Variants in TENM4 observed in about 807,000 individuals in gnomAD.
The protein encoded by TENM4 is teneurin-4.
A neutral mutation model predicts 243.3 loss-of-function variants in TENM4; 82 were observed. That is an observed-to-expected ratio of 0.34 (90% CI 0.28 to 0.40). The LOEUF (loss-of-function observed/expected upper bound fraction) is 0.40, where lower values mean the gene tolerates loss of function less well. TENM4 is among the 10% of genes least tolerant of loss of function. The pLI is 1.00. For missense variants in TENM4, 3,138 were observed against 3,673.3 expected (o/e 0.85, Z 3.77); for synonymous variants, 1,412 against 1,456.3 (o/e 0.97, Z 0.69).
chr11:79,250,355 T>A (rs1555035578), intron 2 of TENM4, among the ~76,000 whole-genome samples: 6 of 152,200 alleles, frequency 3.9e-5, no homozygotes, highest in Non-Finnish European at 1.5e-5. Flanking sequence ...AATCCACATA[T>A]AAGGCAAAGC....
At chr11:78,664,638 G>C (rs1858107512) in intron 32 of TENM4, among the ~76,000 whole-genome samples, 1 of 152,208 alleles carries the variant, frequency 6.6e-6, no homozygotes, top group African/African-American at 2.4e-5. Context: ...CTCTCTAACA[G>C]AAGGAGCTTG....
rs532741106 is a variant in TENM4 at position 79,002,668 on chromosome 11, A to T, written c.493+62070T>A. 4.2e-4 allele frequency among the ~76,000 whole-genome samples: 64 copies of T among 152,358 alleles called. No homozygotes were observed. In the South Asian group the frequency reaches 0.013, roughly 31 times the overall value. ...AACCCATTGGAAGGATAGCAACTTG[A>T]AAGACTGAAGGAACATCAGCCCACA... On this transcript the variant is annotated intron_variant, in intron 6 of 33. Transcript: ENST00000278550.
chr11:78,936,368 T>C (rs1312852264), intron 6 of TENM4, among the ~76,000 whole-genome samples: 1 of 152,220 alleles, frequency 6.6e-6, no homozygotes, highest in Non-Finnish European at 1.5e-5. Context: ...AGTGTTTTTA[T>C]TGAAAGAAAG....
chr11:78,727,597 T>C (rs1855546394), intron 22 of TENM4, among the ~76,000 whole-genome samples: 1 of 152,268 alleles, frequency 6.6e-6, no homozygotes, highest in South Asian at 2.1e-4. Flanking sequence ...TTACAGTGAA[T>C]ATATAGAAAA....
At chr11:79,349,224 T>C (rs1446446429) in intron 1 of TENM4, among the ~76,000 whole-genome samples, 1 of 152,144 alleles carries the variant, frequency 6.6e-6, no homozygotes, top group Non-Finnish European at 1.5e-5. Context: ...CTATGTGAGG[T>C]TGCTAAGAGA....
At chr11:79,196,176 C>T (rs966181737) in intron 3 of TENM4, among the ~76,000 whole-genome samples, 8 of 152,104 alleles carry the variant, frequency 5.3e-5, no homozygotes, top group South Asian at 2.1e-4. Flanking sequence ...TTCCCAGTTT[C>T]GGGTATGTCT....
chr11:78,903,609 C>T (rs1285911317), intron 6 of TENM4, 86 bp from the exon 7 acceptor site: 3 of 1,524,902 alleles, frequency 2.0e-6, no homozygotes, highest in African/African-American at 2.8e-5. Context: ...TGAGCAAGAC[C>T]ACAGAAGAGG....
chr11:78,754,938 C>T (rs996051800), intron 19 of TENM4, among the ~76,000 whole-genome samples: 15 of 152,198 alleles, frequency 9.9e-5, no homozygotes, highest in African/African-American at 3.1e-4. Flanking sequence ...CATCTCGTCA[C>T]GACTCCTTGC....
At chr11:79,117,852 A>C (rs1002065965) in intron 4 of TENM4, among the ~76,000 whole-genome samples, 1 of 152,214 alleles carries the variant, frequency 6.6e-6, no homozygotes, top group Non-Finnish European at 1.5e-5. Flanking sequence ...TGAATGGAAT[A>C]ACTCCTAATT....
intron 6 of TENM4, among the ~76,000 whole-genome samples, chr11:79,013,081 A>G (rs1858687958): frequency 6.6e-6 from 1 of 152,200 alleles, no homozygotes; most frequent in African/African-American, 2.4e-5. Flanking sequence ...CTTTCCTACT[A>G]ATAACTGGCA....
intron 1 of TENM4, among the ~76,000 whole-genome samples, chr11:79,299,569 C>T (rs1478109699): frequency 2.6e-5 from 4 of 151,950 alleles, no homozygotes; most frequent in African/African-American, 4.9e-5. Context: ...CCCAAAAGAG[C>T]GCTTTGGTAT....
rs186221924 is a variant in TENM4, at chr11:78,883,771, G to C, written c.1084+6014C>G. Among the ~76,000 whole-genome samples the C allele has an allele frequency of 7.2e-5, 11 of 152,350 alleles. No individual in the cohort carries two copies. The East Asian group carries it at 2.1e-3, about 29-fold the overall frequency. ...CAACAGTTAGTGAATCACAAATCAA[G>C]TTTTGTCCTAGTTAGAGAAATGATG... On this transcript the variant is annotated intron_variant, in intron 9 of 33. Transcript: ENST00000278550.
intron 5 of TENM4, among the ~76,000 whole-genome samples, chr11:79,066,597 C>T (rs1372101300): frequency 6.6e-6 from 1 of 152,048 alleles, no homozygotes; most frequent in African/African-American, 2.4e-5. Context: ...CACACAAGCA[C>T]ACACGCGCGT....
chr11:79,178,113 T>A (rs1453394806), intron 3 of TENM4, among the ~76,000 whole-genome samples: 1 of 152,014 alleles, frequency 6.6e-6, no homozygotes, highest in Non-Finnish European at 1.5e-5. Flanking sequence ...TATCTGCTGA[T>A]GGGTTGGATG....
At chr11:79,004,182 T>G (rs1858411960) in intron 6 of TENM4, among the ~76,000 whole-genome samples, 1 of 152,144 alleles carries the variant, frequency 6.6e-6, no homozygotes, top group Non-Finnish European at 1.5e-5. Context: ...GGTAACCAGA[T>G]AATAATAGTG....
At chr11:79,226,753 T>C (rs1348667902) in intron 2 of TENM4, among the ~76,000 whole-genome samples, 1 of 152,198 alleles carries the variant, frequency 6.6e-6, no homozygotes, top group African/African-American at 2.4e-5. Flanking sequence ...AAACAGGCTC[T>C]TGATTTTTCC....
chr11:79,054,200 G>A (rs1382214187), intron 6 of TENM4, among the ~76,000 whole-genome samples: 5 of 152,140 alleles, frequency 3.3e-5, no homozygotes, highest in Non-Finnish European at 7.3e-5. Context: ...TTACATAGGA[G>A]GGAACTGGGA....
Position 79,083,790 on chromosome 11 carries a change from C to T in TENM4, c.-65-13781G>A, listed in dbSNP as rs189746469. Among the ~76,000 whole-genome samples, 3 of 152,270 alleles carry T rather than the reference C, an allele frequency of 2.0e-5. No individual in the cohort carries two copies. The East Asian group carries it at 5.8e-4, about 29-fold the overall frequency. ...GGAGCACCATGGTTAAAAACACAGG[C>T]TTTACATCAAAGGCATGATCAAAAA... On this transcript the variant is annotated intron_variant, in intron 4 of 33. Transcript: ENST00000278550.
At chr11:79,365,045 T>C (rs1278338965) in intron 1 of TENM4, among the ~76,000 whole-genome samples, 1 of 152,234 alleles carries the variant, frequency 6.6e-6, no homozygotes, top group Non-Finnish European at 1.5e-5. Flanking sequence ...ATGGCTTTGA[T>C]TGCGAGGATA....
Sources: allele counts gnomAD v4.1 joint callset (sites outside exome capture counted in the v4.1 genomes callset), GRCh38; gene constraint gnomAD v4.1.1; transcripts MANE v1.5; gene names NCBI Gene and HGNC (gene_info 2026-07-23, HGNC 2026-07-21).